Variants in P2RY2 observed in about 807,000 individuals in gnomAD.
P2RY2 encodes purinergic receptor P2Y2, also known as P2Y purinoceptor 2.
For synonymous variants in P2RY2, 241 were observed against 231.9 expected (o/e 1.04, Z -0.35); for missense variants, 567 against 515.7 (o/e 1.10, Z -0.96).
chr11:73,234,595 CG>C lies in P2RY2; in HGVS notation c.439del (p.Ala147ProfsTer35). 1.3e-6 allele frequency: 2 copies of C among 1,569,830 alleles called. No individual in the cohort carries two copies. Among genetic ancestry groups the C allele is most frequent in the Non-Finnish European group, 1.7e-6 (2 of 1,157,060 alleles). ...LRPLRSLRWG[R>X]ARYARRVAGA... is the part of the protein sequence containing the mutation. ...ACCTCTGCGCTCCCTGCGCTGGGGC[CG>C]GGCCCGCTACGCTCGCCGGGTGGCC... On this transcript the variant is annotated frameshift_variant, in exon 3 of 3. Transcript: ENST00000393597. LOFTEE classifies it low-confidence loss of function (END_TRUNC).
In P2RY2 at chr11:73,236,446, G is replaced by A; in HGVS notation, c.*1153G>A. ...CCGAGTGGCTGGGGCTGTGAGCCAG[G>A]GGGTCAGGGAAGGGTTCCTGGAGTG... is the stretch of plus-strand genomic sequence containing the variant. On this transcript the variant is annotated 3_prime_UTR_variant, in exon 3 of 3. Transcript: ENST00000393597. 7.6e-6 allele frequency: 5 copies of A among 658,404 alleles called. No individual in the cohort carries two copies. Among genetic ancestry groups the A allele is most frequent in the Non-Finnish European group, 9.5e-6 (5 of 526,890 alleles). 40.8% of individuals were successfully genotyped at this position (658,404 alleles called of 1,614,324 possible). A position where few individuals can be genotyped will look rare whatever the true frequency, so the allele number is the denominator to read the frequency against.
At chr11:73,219,638 G>A (rs907137238) in intron 1 of P2RY2, among the ~76,000 whole-genome samples, 3 of 152,216 alleles carry the variant, frequency 2.0e-5, no homozygotes, top group African/African-American at 7.2e-5. Context: ...GACCAAGCCT[G>A]AACCCTGTAG....
intron 2 of P2RY2, among the ~76,000 whole-genome samples, chr11:73,230,772 G>A (rs779787184): frequency 2.2e-4 from 34 of 152,100 alleles, no homozygotes; most frequent in South Asian, 4.1e-4. Flanking sequence ...GGGTTGGGGC[G>A]GGTGAGGTTG....
chr11:73,234,095 C>A, intron 2 of P2RY2, 61 bp from the exon 3 acceptor site: 1 of 1,524,704 alleles, frequency 6.6e-7, no homozygotes. Context: ...GTGGCTGTGT[C>A]AGGTCCCCTA....
In P2RY2 at chr11:73,235,402, G is replaced by T. The variant is rs1862621937; in HGVS notation, c.*109G>T. The T allele has an allele frequency of 2.7e-6, 4 of 1,480,852 alleles. No homozygotes were observed. Among genetic ancestry groups the T allele is most frequent in the Non-Finnish European group, 3.6e-6 (4 of 1,115,858 alleles). The allele number at this position is 1,480,852 out of a possible 1,614,324, so 91.7% of individuals were successfully genotyped here. ...ATATGGACCATCAGTGACTCATGCT[G>T]GATGACCCCATGCTCCGTCATTTGA... On this transcript the variant is annotated 3_prime_UTR_variant, in exon 3 of 3. Coordinates refer to ENST00000393597, the MANE Select transcript of P2RY2 (RefSeq NM_002564.4).
chr11:73,227,735 C>T (rs1392209492), intron 1 of P2RY2, among the ~76,000 whole-genome samples: 1 of 152,174 alleles, frequency 6.6e-6, no homozygotes, highest in African/African-American at 2.4e-5. Context: ...GGAGACCTTC[C>T]TCCAGGCAGG....
rs1033844350 is a variant in P2RY2 at position 73,228,190 on chromosome 11, G to C, written c.-5+15G>C. ...GGGCTGGTCAGGTACGTGGGGTGGGGGTGGGGGGGAGCGGGTACGCTGGCC... is the reference window on the plus strand; with the variant it reads ...GGGCTGGTCAGGTACGTGGGGTGGGCGTGGGGGGGAGCGGGTACGCTGGCC... On this transcript the variant is annotated intron_variant, in intron 2 of 2. Transcript: ENST00000393597. 3.4e-4 allele frequency: 42 copies of C among 122,182 alleles called. 4 individuals carry two copies. The highest frequency in any genetic ancestry group is 2.6e-3 in the Admixed American group (30 of 11,676). The allele number at this position is 122,182 out of a possible 1,614,324, so 7.6% of individuals were successfully genotyped here.
Position 73,241,453 on chromosome 11 carries a change from CAG to C in P2RY2, c.*6164_*6165del, listed in dbSNP as rs1436994922. The C allele has an allele frequency of 6.6e-6, 1 of 152,586 alleles. No homozygotes were observed. Among genetic ancestry groups the C allele is most frequent in the Admixed American group, 6.5e-5 (1 of 15,292 alleles). The allele number at this position is 152,586 out of a possible 1,614,324, so 9.5% of individuals were successfully genotyped here. A position where few individuals can be genotyped will look rare whatever the true frequency, so the allele number is the denominator to read the frequency against. On this transcript the variant is annotated 3_prime_UTR_variant, in exon 3 of 3. Transcript: ENST00000393597. ...ATACCTCTTTTCCCGGTTTACTAGA[CAG>C]AGACAATGCAGTGAGGCACAAACAT...
rs917233741 is a variant in P2RY2 at position 73,240,214 on chromosome 11, G to T, written c.*4921G>T. 1 of 152,322 alleles carries T rather than the reference G, an allele frequency of 6.6e-6. No homozygotes were observed. The highest frequency in any genetic ancestry group is 2.4e-5 in the African/African-American group (1 of 41,452). 9.4% of individuals were successfully genotyped at this position (152,322 alleles called of 1,614,324 possible). A position where few individuals can be genotyped will look rare whatever the true frequency, so the allele number is the denominator to read the frequency against. On this transcript the variant is annotated 3_prime_UTR_variant, in exon 3 of 3. Transcript: ENST00000393597. ...TGTCCCAGCCAGGAACAATGGGCCA[G>T]GCAGGGCCAGTCACCCCCTGTCCCT...
chr11:73,236,750 G>T lies in P2RY2; in HGVS notation c.*1457G>T, dbSNP rs980570380. 1.8e-5 allele frequency: 18 copies of T among 985,282 alleles called. No homozygotes were observed. The African/African-American group carries it at 3.1e-4, about 17-fold the overall frequency. 61.0% of individuals were successfully genotyped at this position (985,282 alleles called of 1,614,324 possible). A position where few individuals can be genotyped will look rare whatever the true frequency, so the allele number is the denominator to read the frequency against. On this transcript the variant is annotated 3_prime_UTR_variant, in exon 3 of 3. Transcript: ENST00000393597. Reference sequence around the variant, plus strand: ...CTCCTGTCCATCGTCTGCCTTCTGGGAAAATCCCAGAATGGCAGGGTGGTG... The same window carrying T: ...CTCCTGTCCATCGTCTGCCTTCTGGTAAAATCCCAGAATGGCAGGGTGGTG...
At chr11:73,223,615 T>C (rs1001053775) in intron 1 of P2RY2, among the ~76,000 whole-genome samples, 2 of 152,234 alleles carry the variant, frequency 1.3e-5, no homozygotes, top group Admixed American at 1.3e-4. Flanking sequence ...GGGGGCTGAC[T>C]TCACCAAGAC....
chr11:73,234,266 TG>T lies in P2RY2; in HGVS notation c.108del (p.Pro37LeufsTer14). On this transcript the variant is annotated frameshift_variant, in exon 3 of 3. Transcript: ENST00000393597. LOFTEE classifies it low-confidence loss of function (END_TRUNC). Reference protein sequence around the residue: ...RFNEDFKYVLLPVSYGVVCVP... With the variant: ...RFNEDFKYVLXPVSYGVVCVP... ...AACGAGGACTTCAAGTACGTGCTGC[TG>T]CCTGTGTCCTACGGCGTGGTGTGCG... The T allele has an allele frequency of 6.2e-7, 1 of 1,614,210 alleles. No individual in the cohort carries two copies.
rs570495332 is a variant in P2RY2, at chr11:73,239,301, T to C, written c.*4008T>C. 14 of 152,472 alleles carry C rather than the reference T, an allele frequency of 9.2e-5. No individual in the cohort carries two copies. The highest frequency in any genetic ancestry group is 9.1e-4 in the Admixed American group (14 of 15,304). 9.4% of individuals were successfully genotyped at this position (152,472 alleles called of 1,614,324 possible). On this transcript the variant is annotated 3_prime_UTR_variant, in exon 3 of 3. Transcript: ENST00000393597. ...GGGTGTGGGAGGAGGGAAGCAGGTC[T>C]GTCCTGGGGGAATGTGTGGGACCAC...
Position 73,235,490 on chromosome 11 carries a change from G to C in P2RY2, c.*197G>C. On this transcript the variant is annotated 3_prime_UTR_variant, in exon 3 of 3. Transcript: ENST00000393597. ...ACTGTTCCCATAACCCCTAGTCATC[G>C]TTTGTGTGTATAAGTTGGGGGAATT... 7.6e-7 allele frequency: 1 copy of C among 1,323,936 alleles called. No individual in the cohort carries two copies. Among genetic ancestry groups the C allele is most frequent in the Non-Finnish European group, 9.7e-7 (1 of 1,034,116 alleles). 82.0% of individuals were successfully genotyped at this position (1,323,936 alleles called of 1,614,324 possible).
At chr11:73,224,594 A>T (rs994849166) in intron 1 of P2RY2, among the ~76,000 whole-genome samples, 5 of 152,200 alleles carry the variant, frequency 3.3e-5, no homozygotes, top group African/African-American at 1.2e-4. Context: ...CCTGCCCAGC[A>T]GTGGGCATAG....
intron 1 of P2RY2, among the ~76,000 whole-genome samples, chr11:73,227,346 CTG>C (rs145168039): frequency 1.1e-4 from 17 of 149,570 alleles, no homozygotes; most frequent in East Asian, 2.0e-4. Context: ...ATGGTCTAGA[CTG>C]TGTGTGTGTG....
In P2RY2 at chr11:73,235,021, T is replaced by C. The variant is rs1399583574; in HGVS notation, c.862T>C (p.Tyr288His). Residue 288 changes from tyrosine (Y) to histidine (H), a missense_variant, in exon 3 of 3, where the codon TAC (tyrosine) becomes CAC (histidine). Transcript: ENST00000393597. Reference sequence around the variant, plus strand: ...CACCCTCAACGCCATCAACATGGCCTACAAGGTTACCCGGCCGCTGGCCAG... The same window carrying C: ...CACCCTCAACGCCATCAACATGGCCCACAAGGTTACCCGGCCGCTGGCCAG... ...CHTLNAINMAYKVTRPLASAN... is the reference protein window; with the variant it reads ...CHTLNAINMAHKVTRPLASAN... 1 of 1,608,530 alleles carries C rather than the reference T, an allele frequency of 6.2e-7. No homozygotes were observed. Among genetic ancestry groups the C allele is most frequent in the African/African-American group, 1.3e-5 (1 of 74,924 alleles).
At chr11:73,220,191 T>C (rs1039507569) in intron 1 of P2RY2, among the ~76,000 whole-genome samples, 3 of 152,166 alleles carry the variant, frequency 2.0e-5, no homozygotes, top group Admixed American at 6.5e-5. Context: ...AATCTGGTTA[T>C]CAAAGTGGGT....
rs968934800 is a variant in P2RY2 at position 73,238,180 on chromosome 11, C to T, written c.*2887C>T. On this transcript the variant is annotated 3_prime_UTR_variant, in exon 3 of 3. Transcript: ENST00000393597. ...CGATCCTGCTGTCACTCACACTGCC[C>T]AGCTCTTCCTGCCCAGGGTGACTGG... 2.0e-5 allele frequency among the ~76,000 whole-genome samples: 3 copies of T among 152,244 alleles called. No individual in the cohort carries two copies. The East Asian group carries it at 5.8e-4, about 29-fold the overall frequency.
Sources: allele counts gnomAD v4.1 joint callset (sites outside exome capture counted in the v4.1 genomes callset), GRCh38; gene constraint gnomAD v4.1.1; transcripts MANE v1.5; gene names NCBI Gene and HGNC (gene_info 2026-07-23, HGNC 2026-07-21).